FOXO1: variants seen among roughly 807,000 people sequenced by gnomAD.
The protein encoded by FOXO1 is forkhead box protein O1.
Under a neutral mutation model 44.1 loss-of-function variants are expected in FOXO1, and 6 were observed. That is an observed-to-expected ratio of 0.14 (90% CI 0.07 to 0.27). The LOEUF (loss-of-function observed/expected upper bound fraction) is 0.27. Ranked by LOEUF, FOXO1 falls within the 10% of genes least tolerant of loss-of-function variation. The pLI is 1.00. For missense variants in FOXO1, 737 were observed against 888.8 expected (o/e 0.83, Z 2.17); for synonymous variants, 380 against 362.7 (o/e 1.05, Z -0.54).
intron 1 of FOXO1, among the ~76,000 whole-genome samples, chr13:40,654,073 T>A (rs17061491): frequency 0.41 from 62,743 of 151,688 alleles, 14,225 homozygotes; most frequent in East Asian, 0.73. Context: ...GTTTTGCCCT[T>A]ATCAGATAAG....
chr13:40,641,854 C>T (rs537990666), intron 1 of FOXO1, among the ~76,000 whole-genome samples: 11 of 152,120 alleles, frequency 7.2e-5, no homozygotes, highest in African/African-American at 2.2e-4. Flanking sequence ...GGCATGGTGG[C>T]GCATACTTGT....
intron 1 of FOXO1, among the ~76,000 whole-genome samples, chr13:40,567,954 C>A (rs991370670): frequency 4.0e-5 from 6 of 150,886 alleles, no homozygotes; most frequent in African/African-American, 1.5e-4. Context: ...GGCAACAGAG[C>A]AAGACTCCGT....
chr13:40,611,672 G>T (rs535141508), intron 1 of FOXO1, among the ~76,000 whole-genome samples: 18 of 152,300 alleles, frequency 1.2e-4, no homozygotes, highest in African/African-American at 3.9e-4. Context: ...AAAACACACG[G>T]AAGCTGTGTT....
chr13:40,563,600 C>T (rs1874134608), intron 1 of FOXO1, among the ~76,000 whole-genome samples: 1 of 150,974 alleles, frequency 6.6e-6, no homozygotes, highest in Admixed American at 6.6e-5. Flanking sequence ...GAATCCCCAC[C>T]TTCCTCCACA....
intron 1 of FOXO1, among the ~76,000 whole-genome samples, chr13:40,649,899 C>T (rs1877623338): frequency 6.6e-6 from 1 of 152,190 alleles, no homozygotes. Context: ...CAAACTTTAA[C>T]ATTCAAACTA....
Position 40,598,659 on chromosome 13 carries a change from TCCTA to T in FOXO1, c.631-37803_631-37800del, listed in dbSNP as rs1229321247. On this transcript the variant is annotated intron_variant, in intron 1 of 2. Transcript: ENST00000379561. ...ATGAGCTAAGTTCTTGTTTTGCCCT[TCCTA>T]ATGTCCCATCTCTGAACCTGAATAC... Among the ~76,000 whole-genome samples, 181 of 152,330 alleles carry T rather than the reference TCCTA, an allele frequency of 1.2e-3. 2 individuals carry two copies. Among genetic ancestry groups the T allele is most frequent in the Non-Finnish European group, 8.5e-4 (58 of 68,030 alleles).
intron 1 of FOXO1, among the ~76,000 whole-genome samples, chr13:40,561,823 G>A (rs981157411): frequency 1.3e-5 from 2 of 151,740 alleles, no homozygotes; most frequent in African/African-American, 4.8e-5. Context: ...ACAAAAATTA[G>A]TCGGGTGTGG....
intron 1 of FOXO1, among the ~76,000 whole-genome samples, chr13:40,606,516 T>C (rs993545373): frequency 4.6e-5 from 7 of 152,310 alleles, no homozygotes; most frequent in African/African-American, 1.4e-4. Context: ...TTTCACCATG[T>C]TGGCCAGGCT....
chr13:40,593,958 C>A (rs761911166), intron 1 of FOXO1, among the ~76,000 whole-genome samples: 1 of 152,172 alleles, frequency 6.6e-6, no homozygotes, highest in Admixed American at 6.5e-5. Context: ...CAACCACCCA[C>A]AATTTTAAGA....
chr13:40,610,979 A>G (rs1193482459), intron 1 of FOXO1: 1 of 448,252 alleles, frequency 2.2e-6, no homozygotes, highest in Non-Finnish European at 4.5e-6. Context: ...ACATGTATCT[A>G]TACACATACA....
intron 1 of FOXO1, among the ~76,000 whole-genome samples, chr13:40,570,494 C>T (rs951920257): frequency 3.9e-5 from 6 of 152,206 alleles, no homozygotes; most frequent in South Asian, 2.1e-4. Context: ...AGCTTTACAA[C>T]GGAGGATGTT....
At chr13:40,595,844 T>C (rs542140571) in intron 1 of FOXO1, among the ~76,000 whole-genome samples, 4 of 152,230 alleles carry the variant, frequency 2.6e-5, no homozygotes, top group East Asian at 1.9e-4. Flanking sequence ...TTTCAAAGTA[T>C]GTTTATTTCA....
Position 40,666,432 on chromosome 13 carries a change from C to G in FOXO1, c.-220G>C. 1 of 399,520 alleles carries G rather than the reference C, an allele frequency of 2.5e-6. No homozygotes were observed. The highest frequency in any genetic ancestry group is 7.9e-5 in the South Asian group (1 of 12,598). 24.7% of individuals were successfully genotyped at this position (399,520 alleles called of 1,614,324 possible). A position where few individuals can be genotyped will look rare whatever the true frequency, so the allele number is the denominator to read the frequency against. The stretch of plus-strand genomic sequence containing the variant: ...ATCCACATCGAGGCTCCTCGGGGTC[C>G]GCCGCACGGACTGGACGGCCGGCCA... On this transcript the variant is annotated 5_prime_UTR_variant, in exon 1 of 3. Coordinates refer to ENST00000379561, the MANE Select transcript of FOXO1 (RefSeq NM_002015.4).
intron 1 of FOXO1, among the ~76,000 whole-genome samples, chr13:40,584,773 C>A (rs1309314719): frequency 6.6e-6 from 1 of 152,162 alleles, no homozygotes; most frequent in Non-Finnish European, 1.5e-5. Context: ...TGAAGGCAAC[C>A]GAATAAGCGA....
chr13:40,609,415 ATG>A (rs1198681170), intron 1 of FOXO1, among the ~76,000 whole-genome samples: 1 of 152,128 alleles, frequency 6.6e-6, no homozygotes, highest in Non-Finnish European at 1.5e-5. Context: ...TATGCCTAGA[ATG>A]TGTATAGAAT....
intron 1 of FOXO1, among the ~76,000 whole-genome samples, chr13:40,658,793 A>G (rs112707171): frequency 6.5e-4 from 98 of 151,862 alleles, no homozygotes; most frequent in African/African-American, 2.3e-3. Context: ...GTGGATCACA[A>G]GGTCAGGAGA....
At chr13:40,586,347 C>T (rs1167946941) in intron 1 of FOXO1, among the ~76,000 whole-genome samples, 1 of 152,172 alleles carries the variant, frequency 6.6e-6, no homozygotes, top group Admixed American at 6.5e-5. Flanking sequence ...CATACTACTT[C>T]CTACAGGATA....
chr13:40,596,749 G>C (rs577783832), intron 1 of FOXO1, among the ~76,000 whole-genome samples: 1 of 152,266 alleles, frequency 6.6e-6, no homozygotes, highest in African/African-American at 2.4e-5. Context: ...TTCCATGCCA[G>C]CAACATCTAA....
intron 1 of FOXO1, among the ~76,000 whole-genome samples, chr13:40,630,885 T>C (rs1007230106): frequency 6.6e-6 from 1 of 152,108 alleles, no homozygotes; most frequent in Non-Finnish European, 1.5e-5. Flanking sequence ...GGCACCACTC[T>C]GCAGGAATGT....
Sources: allele counts gnomAD v4.1 joint callset (sites outside exome capture counted in the v4.1 genomes callset), GRCh38; gene constraint gnomAD v4.1.1; transcripts MANE v1.5; gene names NCBI Gene and HGNC (gene_info 2026-07-23, HGNC 2026-07-21).